The following CHST8 variants were observed in gnomAD, a reference collection of about 807,000 sequenced individuals.
CHST8 encodes the protein carbohydrate sulfotransferase 8.
CHST8 carries 10 observed loss-of-function variants against 15.0 expected under a neutral mutation model. The ratio of observed to expected loss-of-function variants is 0.67; its 90% confidence interval spans 0.41 to 1.13. The LOEUF (loss-of-function observed/expected upper bound fraction) is 1.13. Among genes scored for constraint, CHST8 ranks in the 50% most tolerant of loss-of-function variants. The pLI is 0.00. For synonymous variants in CHST8, 259 were observed against 256.6 expected, an observed-to-expected ratio of 1.01 and a Z score of -0.09; for missense variants, 634 against 608.2, an observed-to-expected ratio of 1.04 and a Z score of -0.45.
chr19:33,760,046 C>T (rs1463626013), intron 3 of CHST8, among the ~76,000 whole-genome samples: 2 of 152,132 alleles, frequency 1.3e-5, no homozygotes, highest in African/African-American at 4.8e-5. Context: ...TTCATCATCC[C>T]CTGGGTCCAG....
chr19:33,637,653 C>T (rs61630998), intron 1 of CHST8, among the ~76,000 whole-genome samples: 2 of 148,286 alleles, frequency 1.3e-5, no homozygotes, highest in African/African-American at 2.5e-5. Context: ...CTGCCTGCCT[C>T]GGCCTCCCAA....
chr19:33,695,776 A>G (rs577708678), intron 3 of CHST8, among the ~76,000 whole-genome samples: 1 of 140,484 alleles, frequency 7.1e-6, no homozygotes, highest in East Asian at 2.1e-4. Context: ...GTAGTATTCC[A>G]TGGTGTATAT....
chr19:33,683,112 G>A (rs1467611301), intron 2 of CHST8, among the ~76,000 whole-genome samples: 1 of 152,202 alleles, frequency 6.6e-6, no homozygotes, highest in Non-Finnish European at 1.5e-5. Context: ...TCACCAAGGG[G>A]ATGGCACCAT....
intron 2 of CHST8, among the ~76,000 whole-genome samples, chr19:33,679,342 G>A (rs1027081078): frequency 6.6e-6 from 1 of 152,218 alleles, no homozygotes; most frequent in Non-Finnish European, 1.5e-5. Context: ...ATCCCCAGGT[G>A]CTCTTGGCAG....
chr19:33,668,381 C>T (rs117041163), intron 2 of CHST8, among the ~76,000 whole-genome samples: 2,878 of 152,218 alleles, frequency 0.019, 44 homozygotes, highest in Non-Finnish European at 0.028. Context: ...AACATACAAC[C>T]TCCACCATAT....
intron 3 of CHST8, among the ~76,000 whole-genome samples, chr19:33,711,108 G>A (rs916063499): frequency 6.6e-6 from 1 of 152,172 alleles, no homozygotes; most frequent in African/African-American, 2.4e-5. Flanking sequence ...CTGATATCAA[G>A]CAATCTTCCT....
At chr19:33,624,629 C>A (rs1007162488) in intron 1 of CHST8, among the ~76,000 whole-genome samples, 1 of 152,198 alleles carries the variant, frequency 6.6e-6, no homozygotes, top group Non-Finnish European at 1.5e-5. Context: ...TGGTGGGCTA[C>A]TCTCAGAATT....
intron 3 of CHST8, among the ~76,000 whole-genome samples, chr19:33,739,267 C>G (rs933816451): frequency 7.9e-5 from 12 of 152,168 alleles, no homozygotes; most frequent in Non-Finnish European, 1.5e-4. Flanking sequence ...TCTCTCCCCC[C>G]TCCTCCACAA....
intron 2 of CHST8, among the ~76,000 whole-genome samples, chr19:33,674,492 C>T (rs2145236333): frequency 6.6e-6 from 1 of 152,340 alleles, no homozygotes; most frequent in African/African-American, 2.4e-5. Flanking sequence ...CGATTGCATG[C>T]AGCGCAGCAC....
chr19:33,642,134 A>G (rs1972291945), intron 1 of CHST8, among the ~76,000 whole-genome samples: 1 of 152,014 alleles, frequency 6.6e-6, no homozygotes, highest in Admixed American at 6.6e-5. Flanking sequence ...CTCAGCACCC[A>G]CTGACTGTGG....
chr19:33,666,448 G>A (rs1403200042), intron 1 of CHST8, among the ~76,000 whole-genome samples: 3 of 152,178 alleles, frequency 2.0e-5, no homozygotes, highest in Non-Finnish European at 2.9e-5. Context: ...CAGAGCTCAC[G>A]GATCCAGGAA....
At chr19:33,634,889 C>A (rs938076690) in intron 1 of CHST8, among the ~76,000 whole-genome samples, 1 of 152,028 alleles carries the variant, frequency 6.6e-6, no homozygotes, top group African/African-American at 2.4e-5. Context: ...AAGTTGGTTT[C>A]TCGCTCGCTG....
chr19:33,757,526 A>AAG (rs1974613031), intron 3 of CHST8, among the ~76,000 whole-genome samples: 1 of 17,656 alleles, frequency 5.7e-5, no homozygotes, highest in Non-Finnish European at 1.1e-4. Context: ...AAGAAAGAGA[A>AAG]AGAAAGAAAG....
chr19:33,657,764 T>C (rs185704223), intron 1 of CHST8, among the ~76,000 whole-genome samples: 16 of 152,142 alleles, frequency 1.1e-4, no homozygotes, highest in South Asian at 1.0e-3. Context: ...AGAGACATGG[T>C]CTCACTATAT....
intron 3 of CHST8, among the ~76,000 whole-genome samples, chr19:33,757,616 CAGAA>C (rs1974628811): frequency 1.4e-5 from 2 of 145,982 alleles, no homozygotes; most frequent in African/African-American, 5.1e-5. Flanking sequence ...GCCGGCCATT[CAGAA>C]GGGAGCAGAA....
intron 1 of CHST8, among the ~76,000 whole-genome samples, chr19:33,658,865 C>G (rs1972547266): frequency 6.6e-6 from 1 of 152,004 alleles, no homozygotes; most frequent in Admixed American, 6.6e-5. Flanking sequence ...GAATGGGGTG[C>G]TTTTTAACAA....
intron 2 of CHST8, among the ~76,000 whole-genome samples, chr19:33,669,104 C>A (rs1484736184): frequency 6.6e-6 from 1 of 152,208 alleles, no homozygotes; most frequent in Admixed American, 6.5e-5. Context: ...GCCACAGGCA[C>A]CAGTGCACTG....
intron 1 of CHST8, among the ~76,000 whole-genome samples, chr19:33,632,485 G>A (rs1486472693): frequency 6.6e-6 from 1 of 151,978 alleles, no homozygotes; most frequent in Non-Finnish European, 1.5e-5. Flanking sequence ...GTTTGCTAAT[G>A]ATGTCTTCTT....
chr19:33,758,238 T>C (rs552253060), intron 3 of CHST8, among the ~76,000 whole-genome samples: 1 of 131,674 alleles, frequency 7.6e-6, no homozygotes, highest in South Asian at 2.7e-4. Flanking sequence ...GGGGTGGGGG[T>C]GGGCCTGGAA....
Sources: allele counts gnomAD v4.1 joint callset (sites outside exome capture counted in the v4.1 genomes callset), GRCh38; gene constraint gnomAD v4.1.1; transcripts MANE v1.5; gene names NCBI Gene and HGNC (gene_info 2026-07-23, HGNC 2026-07-21).